The following RBPMS variants were observed in gnomAD, a reference collection of about 807,000 sequenced individuals.
RBPMS encodes RNA binding protein, mRNA processing factor.
RBPMS carries 7 observed loss-of-function variants against 26.8 expected under a neutral mutation model. That is an observed-to-expected ratio of 0.26 (90% CI 0.15 to 0.49). RBPMS has a LOEUF of 0.49. Among genes scored for constraint, RBPMS ranks in the 20% least tolerant of loss-of-function variants. The pLI is 0.98. For missense variants in RBPMS, 186 were observed against 250.0 expected, an observed-to-expected ratio of 0.74 and a Z score of 1.73; for synonymous variants, 96 against 93.3, an observed-to-expected ratio of 1.03 and a Z score of -0.17.
chr8:30,563,175 GGA>G (rs1491302576), intron 7 of RBPMS, among the ~76,000 whole-genome samples: 2 of 151,088 alleles, frequency 1.3e-5, no homozygotes, highest in African/African-American at 5.0e-5. Context: ...AAGGCCATCA[GGA>G]GAGGGGGGGT....
At chr8:30,509,699 A>G (rs1821390137) in intron 5 of RBPMS, among the ~76,000 whole-genome samples, 1 of 152,228 alleles carries the variant, frequency 6.6e-6, no homozygotes, top group Non-Finnish European at 1.5e-5. Context: ...CCTGCTCTCC[A>G]GCGGCATTGT....
intron 4 of RBPMS, among the ~76,000 whole-genome samples, chr8:30,491,747 A>G (rs1324797336): frequency 6.6e-6 from 1 of 152,194 alleles, no homozygotes; most frequent in Non-Finnish European, 1.5e-5. Flanking sequence ...CTTAAAACAT[A>G]TACAGAAAGT....
At chr8:30,519,442 G>A (rs1333791518) in intron 5 of RBPMS, among the ~76,000 whole-genome samples, 2 of 140,944 alleles carry the variant, frequency 1.4e-5, no homozygotes, top group East Asian at 4.3e-4. Flanking sequence ...CTCACCCTAC[G>A]TGGGAGGATC....
Position 30,474,797 on chromosome 8 carries a change from A to C in RBPMS, c.85A>C (p.Ser29Arg). 6.2e-7 allele frequency: 1 copy of C among 1,611,966 alleles called. No individual in the cohort carries two copies. The highest frequency in any genetic ancestry group is 8.5e-7 in the Non-Finnish European group (1 of 1,178,102). ...TTTCCAGGTCCGGACCCTATTTGTCAGTGGCCTTCCTCTGGATATCAAACC... is the reference window on the plus strand; with the variant it reads ...TTTCCAGGTCCGGACCCTATTTGTCCGTGGCCTTCCTCTGGATATCAAACC... Reference protein sequence around the residue: ...QEEEVRTLFVSGLPLDIKPRE... With the variant: ...QEEEVRTLFVRGLPLDIKPRE... Residue 29 changes from serine (S) to arginine (R), a missense_variant, in exon 2 of 9, where the codon AGT becomes CGT. By Grantham distance (110) the Ser-to-Arg change is moderately radical (BLOSUM62 -1). This residue lies in a region of RBPMS where 50 missense variants were observed against 108.5 expected (regional missense o/e 0.46). Transcript: ENST00000397323.
At chr8:30,423,443 A>G (rs991584316) in intron 1 of RBPMS, among the ~76,000 whole-genome samples, 2 of 152,140 alleles carry the variant, frequency 1.3e-5, no homozygotes, top group Middle Eastern at 3.2e-3. Flanking sequence ...TGGGCTGCAA[A>G]GGGGAAGGCC....
chr8:30,511,551 A>G (rs199792209), intron 5 of RBPMS, among the ~76,000 whole-genome samples: 985 of 77,470 alleles, frequency 0.013, 20 homozygotes, highest in African/African-American at 0.026. Context: ...GTGTGTGTGT[A>G]TGTATAGATA....
chr8:30,545,100 G>A lies in RBPMS; in HGVS notation c.528+476G>A. The A allele has an allele frequency of 3.7e-6, 5 of 1,353,474 alleles. No homozygotes were observed. In the South Asian group the frequency reaches 6.5e-5, roughly 18 times the overall value. 83.8% of individuals were successfully genotyped at this position (1,353,474 alleles called of 1,614,324 possible). ...TGACCAAAGGGAAAGCTTCCAGGGGGGAAGGCTGTACTTTCTTAAATATGT... is the reference window on the plus strand; with the variant it reads ...TGACCAAAGGGAAAGCTTCCAGGGGAGAAGGCTGTACTTTCTTAAATATGT... On this transcript the variant is annotated intron_variant, in intron 6 of 8. Transcript: ENST00000397323.
chr8:30,547,447 C>G (rs1184368719), intron 6 of RBPMS: 1 of 1,577,642 alleles, frequency 6.3e-7, no homozygotes, highest in East Asian at 2.3e-5. Flanking sequence ...CTATTTTCCC[C>G]CCTTTCACAA....
At chr8:30,389,544 A>G (rs1003537608) in intron 1 of RBPMS, among the ~76,000 whole-genome samples, 1 of 152,336 alleles carries the variant, frequency 6.6e-6, no homozygotes, top group Admixed American at 6.5e-5. Context: ...GAAAGGAGTG[A>G]CACTATCAAA....
chr8:30,505,142 C>T (rs1432231139), intron 5 of RBPMS, among the ~76,000 whole-genome samples: 2 of 152,182 alleles, frequency 1.3e-5, no homozygotes, highest in Admixed American at 6.6e-5. Flanking sequence ...CTTTCTCAAG[C>T]TCAGTCAGTG....
intron 6 of RBPMS, chr8:30,544,890 G>T: frequency 6.7e-7 from 1 of 1,490,154 alleles, no homozygotes; most frequent in Non-Finnish European, 8.9e-7. Context: ...GCACATGAGA[G>T]ACCGGGGCAG....
chr8:30,422,676 T>G (rs2150629352), intron 1 of RBPMS, among the ~76,000 whole-genome samples: 1 of 152,274 alleles, frequency 6.6e-6, no homozygotes, highest in Middle Eastern at 3.4e-3. Flanking sequence ...CAAATGTACG[T>G]TTCTGAACAA....
intron 1 of RBPMS, among the ~76,000 whole-genome samples, chr8:30,408,224 T>G (rs1301840948): frequency 2.0e-5 from 3 of 152,084 alleles, no homozygotes; most frequent in Admixed American, 2.0e-4. Flanking sequence ...GAATGGCAGA[T>G]TCCTTTTCCA....
At chr8:30,545,333 C>A in intron 6 of RBPMS, 13 of 1,153,936 alleles carry the variant, frequency 1.1e-5, no homozygotes, top group Non-Finnish European at 1.4e-5. Context: ...AACACTTCCT[C>A]TCCCCTTGGA....
intron 1 of RBPMS, among the ~76,000 whole-genome samples, chr8:30,465,807 T>C (rs1816432661): frequency 6.6e-6 from 1 of 152,106 alleles, no homozygotes; most frequent in African/African-American, 2.4e-5. Flanking sequence ...AAAAAAGTCC[T>C]ATCAGAATTA....
chr8:30,414,349 G>A (rs1563295900), intron 1 of RBPMS, among the ~76,000 whole-genome samples: 1 of 152,238 alleles, frequency 6.6e-6, no homozygotes, highest in Admixed American at 6.5e-5. Flanking sequence ...AGGAAATGGT[G>A]CAGAGTTGAG....
At chr8:30,474,086 A>G (rs935665486) in intron 1 of RBPMS, among the ~76,000 whole-genome samples, 10 of 143,130 alleles carry the variant, frequency 7.0e-5, no homozygotes, top group African/African-American at 2.6e-4. Context: ...CAGTACTTAA[A>G]ATTTAAAAAA....
chr8:30,477,880 T>C (rs1585600878), intron 3 of RBPMS, 43 bp downstream of exon 3: 1 of 1,325,856 alleles, frequency 7.5e-7, no homozygotes, highest in Middle Eastern at 1.8e-4. Context: ...TTTTTTACTT[T>C]CCTCAGGAAT....
intron 7 of RBPMS, 40 bp downstream of exon 7, chr8:30,558,996 G>C: frequency 6.5e-7 from 1 of 1,550,056 alleles, no homozygotes; most frequent in Non-Finnish European, 8.9e-7. Context: ...GAAGCCCCTA[G>C]AACACATCTG....
Sources: allele counts gnomAD v4.1 joint callset (sites outside exome capture counted in the v4.1 genomes callset), GRCh38; gene constraint gnomAD v4.1.1; regional missense constraint gnomAD v4.1.1; transcripts MANE v1.5; gene names NCBI Gene and HGNC (gene_info 2026-07-23, HGNC 2026-07-21).